Variants in FIG4 observed in about 807,000 individuals in gnomAD.
FIG4 encodes polyphosphoinositide phosphatase.
In FIG4, 112 loss-of-function variants were observed where a neutral mutation model predicts 118.6. That is an observed-to-expected ratio of 0.94 (90% CI 0.81 to 1.11). The LOEUF (loss-of-function observed/expected upper bound fraction) is 1.11. Among genes scored for constraint, FIG4 ranks in the 50% least tolerant of loss-of-function variants. FIG4 has a pLI of 0.00. For missense variants in FIG4, 969 were observed against 1,111.7 expected, an observed-to-expected ratio of 0.87 and a Z score of 1.83; for synonymous variants, 369 against 381.2, an observed-to-expected ratio of 0.97 and a Z score of 0.37.
chr6:109,770,563 A>AGG (rs1583709182), intron 15 of FIG4, among the ~76,000 whole-genome samples: 2 of 152,216 alleles, frequency 1.3e-5, no homozygotes, highest in East Asian at 3.9e-4. Flanking sequence ...GAGAGGTTGA[A>AGG]TTGGCCCATG....
chr6:109,732,289 C>T (rs986613210), intron 4 of FIG4, among the ~76,000 whole-genome samples: 2 of 152,164 alleles, frequency 1.3e-5, no homozygotes, highest in East Asian at 1.9e-4. Flanking sequence ...TGTTGCTCTC[C>T]TCTCTCCATC....
chr6:109,788,220 A>G (rs1027753781), intron 18 of FIG4, among the ~76,000 whole-genome samples: 1 of 152,162 alleles, frequency 6.6e-6, no homozygotes, highest in Non-Finnish European at 1.5e-5. Context: ...GAGCATCTGT[A>G]TATTGTTGAT....
rs750373025 is a variant in FIG4, at chr6:109,766,714, T to C, written c.1584-15T>C. On this transcript the variant is annotated splice_polypyrimidine_tract_variant and intron_variant, in intron 14 of 22. Transcript: ENST00000230124. ...ATTTTGGTGAAATTCTTTAATCGGG[T>C]TTTTCTTTTTTTAGGTTATTTGAGG... is the stretch of plus-strand genomic sequence containing the variant. 1 of 1,611,484 alleles carries C rather than the reference T, an allele frequency of 6.2e-7. No homozygotes were observed. Among genetic ancestry groups the C allele is most frequent in the Non-Finnish European group, 8.5e-7 (1 of 1,177,728 alleles).
intron 18 of FIG4, among the ~76,000 whole-genome samples, chr6:109,788,965 T>C (rs931245135): frequency 6.6e-6 from 1 of 152,210 alleles, no homozygotes; most frequent in Non-Finnish European, 1.5e-5. Flanking sequence ...CAGTAAGTGG[T>C]AAATTAAAAG....
chr6:109,744,685 GA>G (rs1350602608), intron 10 of FIG4, among the ~76,000 whole-genome samples: 3 of 151,994 alleles, frequency 2.0e-5, no homozygotes, highest in African/African-American at 7.3e-5. Context: ...TACATGTGCA[GA>G]ACGTGCAGGT....
intron 10 of FIG4, 138 bp downstream of exon 10, chr6:109,743,910 ACT>A: frequency 1.3e-6 from 1 of 742,886 alleles, no homozygotes; most frequent in Non-Finnish European, 2.4e-6. Flanking sequence ...GGGACAGCTC[ACT>A]GTGTCTGAGC....
intron 18 of FIG4, among the ~76,000 whole-genome samples, chr6:109,787,614 A>G (rs1778014126): frequency 6.6e-6 from 1 of 151,918 alleles, no homozygotes; most frequent in African/African-American, 2.4e-5. Context: ...GTCGGAAAAA[A>G]CAACATTATT....
At chr6:109,750,897 C>T (rs564538137) in intron 10 of FIG4, among the ~76,000 whole-genome samples, 1 of 152,206 alleles carries the variant, frequency 6.6e-6, no homozygotes, top group South Asian at 2.1e-4. Context: ...ATTTTAAATG[C>T]TTTTGAGAAA....
chr6:109,763,338 T>G (rs1006492819), intron 12 of FIG4, among the ~76,000 whole-genome samples: 2 of 152,228 alleles, frequency 1.3e-5, no homozygotes, highest in African/African-American at 4.8e-5. Flanking sequence ...TTAGGCCTGT[T>G]AGGTTAACTC....
intron 6 of FIG4, among the ~76,000 whole-genome samples, chr6:109,736,904 G>A (rs1333779934): frequency 6.6e-6 from 1 of 151,960 alleles, no homozygotes; most frequent in Non-Finnish European, 1.5e-5. Context: ...CATCTTCTGG[G>A]GGCTGCATTC....
intron 18 of FIG4, among the ~76,000 whole-genome samples, chr6:109,787,171 CTT>C (rs555412517): frequency 2.4e-4 from 37 of 152,186 alleles, no homozygotes; most frequent in African/African-American, 8.4e-4. Context: ...CTCTGTATCT[CTT>C]TTAGAATTTG....
rs554052663 is a variant in FIG4, at chr6:109,824,490, T to A, written c.2547-598T>A. ...TATATTTTGCAAGCAAGGTAACTTC[T>A]GGTTGTTTCAGCTTTTAGGATTTCA... On this transcript the variant is annotated intron_variant, in intron 22 of 22. Transcript: ENST00000230124. 3.6e-4 allele frequency among the ~76,000 whole-genome samples: 55 copies of A among 152,378 alleles called. 1 individual carries two copies. The highest frequency in any genetic ancestry group is 3.4e-3 in the Middle Eastern group (1 of 294).
At chr6:109,740,874 T>TA (rs1287243003) in intron 7 of FIG4, among the ~76,000 whole-genome samples, 1 of 152,076 alleles carries the variant, frequency 6.6e-6, no homozygotes, top group East Asian at 1.9e-4. Context: ...TCAGGAAACT[T>TA]ACAATCATGG....
chr6:109,731,445 A>G (rs1259239260), intron 4 of FIG4, among the ~76,000 whole-genome samples: 1 of 152,200 alleles, frequency 6.6e-6, no homozygotes, highest in South Asian at 2.1e-4. Flanking sequence ...CTAATGGTCT[A>G]TCAGCAGACA....
chr6:109,747,002 C>T (rs183736650), intron 10 of FIG4, among the ~76,000 whole-genome samples: 66 of 152,086 alleles, frequency 4.3e-4, no homozygotes, highest in Admixed American at 1.2e-3. Context: ...ATGCCATTCA[C>T]TGAAATACAG....
At chr6:109,746,694 C>T (rs1223088572) in intron 10 of FIG4, among the ~76,000 whole-genome samples, 5 of 152,148 alleles carry the variant, frequency 3.3e-5, no homozygotes, top group Non-Finnish European at 7.4e-5. Context: ...AGTCATTAAA[C>T]ATCTTGCATG....
intron 1 of FIG4, among the ~76,000 whole-genome samples, chr6:109,714,050 G>T (rs923142448): frequency 6.6e-6 from 1 of 152,092 alleles, no homozygotes; most frequent in Non-Finnish European, 1.5e-5. Context: ...CACTACAAAC[G>T]CTCCCATACC....
At chr6:109,806,732 A>G (rs372579240) in intron 22 of FIG4, among the ~76,000 whole-genome samples, 1 of 151,932 alleles carries the variant, frequency 6.6e-6, no homozygotes, top group Non-Finnish European at 1.5e-5. Context: ...CCATCAACCC[A>G]TCATCTACAT....
In FIG4 at chr6:109,732,440, A is replaced by G. The variant is rs78373086; in HGVS notation, c.447-197A>G. Reference sequence around the variant, plus strand: ...ATCAGTGGTAAGGAACAGCCAAACTATAAAGTTAAAGGTCTCCAAAGGGAT... The same window carrying G: ...ATCAGTGGTAAGGAACAGCCAAACTGTAAAGTTAAAGGTCTCCAAAGGGAT... On this transcript the variant is annotated intron_variant, in intron 4 of 22. Coordinates refer to ENST00000230124, the MANE Select transcript of FIG4 (RefSeq NM_014845.6). 1.2e-3 allele frequency among the ~76,000 whole-genome samples: 176 copies of G among 152,326 alleles called. 1 individual carries two copies. In the East Asian group the frequency reaches 0.019, roughly 17 times the overall value.
Sources: gnomAD v4.1 joint callset for allele counts (sites outside exome capture counted in the v4.1 genomes callset) on GRCh38, gnomAD v4.1.1 for gene constraint, MANE v1.5 for transcripts, NCBI Gene and HGNC (gene_info 2026-07-23, HGNC 2026-07-21) for gene names.